Variants in PCNX2 observed in about 807,000 individuals in gnomAD.
PCNX2 encodes pecanex 2.
Under a neutral mutation model 223.8 loss-of-function variants are expected in PCNX2, and 168 were observed. The observed-to-expected ratio is 0.75, with a 90% CI of 0.66 to 0.85. PCNX2 has a LOEUF of 0.85. Among genes scored for constraint, PCNX2 ranks in the 40% least tolerant of loss-of-function variants. The pLI is 0.00. For synonymous variants in PCNX2, 1,006 were observed against 1,052.6 expected, an observed-to-expected ratio of 0.96 and a Z score of 0.86; for missense variants, 2,507 against 2,675.5, an observed-to-expected ratio of 0.94 and a Z score of 1.39.
At chr1:233,172,872 T>C (rs1679240349) in intron 17 of PCNX2, among the ~76,000 whole-genome samples, 1 of 152,190 alleles carries the variant, frequency 6.6e-6, no homozygotes. Context: ...CACGTGACTT[T>C]CCTCGTTTTC....
chr1:232,987,333 G>A (rs901396286), intron 32 of PCNX2, among the ~76,000 whole-genome samples: 1 of 152,246 alleles, frequency 6.6e-6, no homozygotes, highest in Non-Finnish European at 1.5e-5. Flanking sequence ...GTGCGTGATG[G>A]CCCTGTGCAG....
At chr1:233,293,893 T>C (rs1661917735) in intron 1 of PCNX2, 7 of 922,466 alleles carry the variant, frequency 7.6e-6, no homozygotes, top group Non-Finnish European at 9.1e-6. Flanking sequence ...GACTTTGCTA[T>C]GCTGTCCCTC....
chr1:233,108,885 G>A (rs1416969633), intron 21 of PCNX2, among the ~76,000 whole-genome samples: 1 of 152,086 alleles, frequency 6.6e-6, no homozygotes, highest in Non-Finnish European at 1.5e-5. Flanking sequence ...TGTCCTCCGT[G>A]TCCCACCCCC....
Position 232,999,272 on chromosome 1 carries a change from G to A in PCNX2, c.5436C>T (p.Val1812=), listed in dbSNP as rs200240000. The A allele has an allele frequency of 1.2e-5, 19 of 1,612,818 alleles. No homozygotes were observed. In the South Asian group the frequency reaches 2.0e-4, roughly 17 times the overall value. ...AGGAGGAGTTAATCAAGTTCCGCAGGACCTGCTTATTGTTCTGGATACTGC... is the reference window on the plus strand; with the variant it reads ...AGGAGGAGTTAATCAAGTTCCGCAGAACCTGCTTATTGTTCTGGATACTGC... ...ERGSIQNNKQ[V]LRNLINSSCD... is the part of the protein sequence containing the mutation. Residue 1812 remains valine, a synonymous_variant, in exon 31 of 34, where the codon GTC becomes GTT. Transcript: ENST00000258229.
intron 27 of PCNX2, 200 bp downstream of exon 27, chr1:233,016,721 T>C: frequency 1.1e-6 from 1 of 945,180 alleles, no homozygotes; most frequent in South Asian, 4.9e-5. Context: ...TATCTTTAAG[T>C]GTCCTTCATT....
At chr1:233,057,195 A>G in intron 24 of PCNX2, 37 bp downstream of exon 24, 2 of 1,488,644 alleles carry the variant, frequency 1.3e-6, no homozygotes, top group Non-Finnish European at 1.9e-6. Context: ...TCCATACAAC[A>G]ATAAATAGTT....
upstream of PCNX2, among the ~76,000 whole-genome samples, chr1:233,298,055 G>A (rs1037448213): frequency 6.6e-6 from 1 of 152,102 alleles, no homozygotes; most frequent in Non-Finnish European, 1.5e-5. Flanking sequence ...CAAGCCATCA[G>A]GGAGAGAATG....
chr1:233,321,143 C>T, the PCNX2 span, among the ~76,000 whole-genome samples: 5 of 151,264 alleles, frequency 3.3e-5, no homozygotes, highest in Admixed American at 6.6e-5. Context: ...CTCAGCCTCC[C>T]GAGTAGCTGG....
chr1:233,313,767 G>A, the PCNX2 span, among the ~76,000 whole-genome samples: 78 of 152,220 alleles, frequency 5.1e-4, no homozygotes, highest in African/African-American at 1.8e-3. Flanking sequence ...CACAGTAAGG[G>A]TAATTAAATG....
At position 233,218,209 on chromosome 1, in the gene PCNX2, CAAAAAAAAAA is replaced by C. The variant is rs34818026; in HGVS notation, c.2505-35_2505-26del. On this transcript the variant is annotated intron_variant, in intron 10 of 33. Transcript: ENST00000258229. ...TCTGTGCAAAATATATACATAAAAG[CAAAAAAAAAA>C]AAAAAAAAAAAAAGTGTAAGTTTTG... 2,429 of 274,536 alleles carry C rather than the reference CAAAAAAAAAA, an allele frequency of 8.8e-3. 11 individuals are homozygous for C. The highest frequency in any genetic ancestry group is 0.018 in the Middle Eastern group (14 of 758). The allele number at this position is 274,536 out of a possible 1,614,324, so 17.0% of individuals were successfully genotyped here.
At chr1:233,052,217 G>A (rs1672030970) in intron 25 of PCNX2, among the ~76,000 whole-genome samples, 1 of 152,156 alleles carries the variant, frequency 6.6e-6, no homozygotes, top group African/African-American at 2.4e-5. Flanking sequence ...AATGTGAAAA[G>A]GCATGGATAT....
intron 1 of PCNX2, among the ~76,000 whole-genome samples, chr1:233,270,076 T>C (rs767354845): frequency 6.6e-6 from 1 of 152,164 alleles, no homozygotes; most frequent in Non-Finnish European, 1.5e-5. Context: ...CATTCATTCA[T>C]TCATTCCTTT....
chr1:233,274,203 T>C (rs1440514190), intron 1 of PCNX2, among the ~76,000 whole-genome samples: 4 of 152,204 alleles, frequency 2.6e-5, no homozygotes, highest in Admixed American at 2.0e-4. Context: ...CATCCACTAA[T>C]ATTACATAAC....
chr1:233,120,111 G>A (rs1310612171), intron 21 of PCNX2, among the ~76,000 whole-genome samples: 2 of 131,488 alleles, frequency 1.5e-5, no homozygotes, highest in Non-Finnish European at 3.1e-5. Context: ...AGGTTGCAGT[G>A]AGCCGAGATC....
chr1:233,135,322 G>T, intron 20 of PCNX2, 132 bp from the exon 21 acceptor site: 1 of 950,582 alleles, frequency 1.1e-6, no homozygotes, highest in Non-Finnish European at 1.5e-6. Context: ...AATCTAAGGG[G>T]CCCCATTATT....
At chr1:233,045,773 G>C (rs940252793) in intron 25 of PCNX2, among the ~76,000 whole-genome samples, 1 of 152,174 alleles carries the variant, frequency 6.6e-6, no homozygotes, top group Non-Finnish European at 1.5e-5. Context: ...CAGTTTCTGG[G>C]GGCAGCTGCG....
intron 13 of PCNX2, among the ~76,000 whole-genome samples, chr1:233,204,183 AG>A (rs1033114144): frequency 1.3e-5 from 2 of 152,094 alleles, no homozygotes; most frequent in Non-Finnish European, 2.9e-5. Flanking sequence ...TATGAAAAGG[AG>A]AAATTTGGAC....
chr1:233,097,072 A>G (rs1044072529), intron 21 of PCNX2, among the ~76,000 whole-genome samples: 8 of 152,232 alleles, frequency 5.3e-5, no homozygotes, highest in Non-Finnish European at 1.2e-4. Context: ...ATTATTGGGT[A>G]GGCCATAGTA....
intron 15 of PCNX2, among the ~76,000 whole-genome samples, chr1:233,193,317 A>G (rs2102882248): frequency 6.6e-6 from 1 of 152,174 alleles, no homozygotes; most frequent in Non-Finnish European, 1.5e-5. Flanking sequence ...ATTAAATCAT[A>G]TTATGTGAAC....
Sources: gnomAD v4.1 joint callset for allele counts (sites outside exome capture counted in the v4.1 genomes callset) on GRCh38, gnomAD v4.1.1 for gene constraint, MANE v1.5 for transcripts, NCBI Gene and HGNC (gene_info 2026-07-23, HGNC 2026-07-21) for gene names.